Variants in MYO16 observed in about 807,000 individuals in gnomAD.
The protein encoded by MYO16 is myosin XVI, also known as unconventional myosin-XVI.
Under a neutral mutation model 205.3 loss-of-function variants are expected in MYO16, and 94 were observed. The observed-to-expected ratio is 0.46, with a 90% CI of 0.39 to 0.54. The LOEUF (loss-of-function observed/expected upper bound fraction) is 0.54, where lower values mean the gene tolerates loss of function less well. Among genes scored for constraint, MYO16 ranks in the 20% least tolerant of loss-of-function variants. The pLI is 0.00. For missense variants in MYO16, 2,315 were observed against 2,387.5 expected, an observed-to-expected ratio of 0.97 and a Z score of 0.63; for synonymous variants, 988 against 954.0, an observed-to-expected ratio of 1.04 and a Z score of -0.66.
chr13:108,955,269 C>T (rs1485056675), intron 16 of MYO16, among the ~76,000 whole-genome samples: 1 of 152,162 alleles, frequency 6.6e-6, no homozygotes, highest in Non-Finnish European at 1.5e-5. Flanking sequence ...CATCCATGTC[C>T]CCCTCTTCAG....
intron 13 of MYO16, among the ~76,000 whole-genome samples, chr13:108,883,849 T>C (rs1196100726): frequency 2.0e-5 from 3 of 152,148 alleles, no homozygotes; most frequent in Non-Finnish European, 2.9e-5. Flanking sequence ...GGTCTCAAAC[T>C]CCTGGGCTCA....
At chr13:109,034,984 C>T (rs891401381) in intron 23 of MYO16, among the ~76,000 whole-genome samples, 11 of 152,228 alleles carry the variant, frequency 7.2e-5, no homozygotes, top group African/African-American at 2.7e-4. Context: ...TATCCCAGCA[C>T]ATGGCCCATG....
the MYO16 span, among the ~76,000 whole-genome samples, chr13:108,582,313 G>A: frequency 0.016 from 2,424 of 152,080 alleles, 50 homozygotes; most frequent in South Asian, 0.086. Context: ...TTTGCATCTT[G>A]ATTTGGTACA....
intron 1 of MYO16, among the ~76,000 whole-genome samples, chr13:108,599,829 A>C (rs933386246): frequency 1.3e-5 from 2 of 152,216 alleles, no homozygotes; most frequent in Non-Finnish European, 2.9e-5. Flanking sequence ...GAGTTCGGAC[A>C]TGAAATGAGG....
intron 1 of MYO16, among the ~76,000 whole-genome samples, chr13:108,597,703 C>T: frequency 6.6e-6 from 1 of 152,092 alleles, no homozygotes; most frequent in East Asian, 1.9e-4. Flanking sequence ...TTCAGTCAGC[C>T]ATGGTTTGCT....
chr13:108,937,293 AT>A (rs752138348), intron 16 of MYO16, among the ~76,000 whole-genome samples: 3 of 149,270 alleles, frequency 2.0e-5, no homozygotes, highest in East Asian at 2.0e-4. Flanking sequence ...TGGCTTTCAG[AT>A]TTTTTTTTCT....
intron 27 of MYO16, among the ~76,000 whole-genome samples, chr13:109,098,505 A>C (rs905259168): frequency 1.3e-5 from 2 of 152,188 alleles, no homozygotes; most frequent in Admixed American, 1.3e-4. Context: ...TCATAGCCCA[A>C]GTCTTTCCAC....
intron 4 of MYO16, among the ~76,000 whole-genome samples, chr13:108,732,676 G>T (rs1181295838): frequency 1.3e-5 from 2 of 152,168 alleles, no homozygotes; most frequent in African/African-American, 4.8e-5. Context: ...GGGAAGCCCT[G>T]GGAAGAAGGA....
At chr13:108,650,639 C>T (rs911246745) in intron 1 of MYO16, among the ~76,000 whole-genome samples, 2 of 152,122 alleles carry the variant, frequency 1.3e-5, no homozygotes, top group Non-Finnish European at 2.9e-5. Context: ...CCAAAGAGAA[C>T]TTCTCTTTTG....
intron 1 of MYO16, among the ~76,000 whole-genome samples, chr13:108,608,085 A>T (rs1879027212): frequency 6.6e-6 from 1 of 152,168 alleles, no homozygotes; most frequent in South Asian, 2.1e-4. Flanking sequence ...AATTCTAACG[A>T]TCGATAATTA....
chr13:108,690,021 C>T (rs974990012), intron 2 of MYO16, among the ~76,000 whole-genome samples: 19 of 152,132 alleles, frequency 1.2e-4, no homozygotes, highest in African/African-American at 4.6e-4. Flanking sequence ...CTACTTTTCC[C>T]ACTTATTGTA....
the MYO16 span, among the ~76,000 whole-genome samples, chr13:108,508,814 G>A: frequency 1.3e-5 from 2 of 152,188 alleles, no homozygotes; most frequent in African/African-American, 2.4e-5. Flanking sequence ...TGAAGTTCTC[G>A]TAAAGGTGTT....
intron 32 of MYO16, among the ~76,000 whole-genome samples, chr13:109,142,850 A>G (rs1048853779): frequency 7.9e-5 from 12 of 152,102 alleles, no homozygotes; most frequent in African/African-American, 2.7e-4. Flanking sequence ...GCCCAGCCCA[A>G]TCCCACACTG....
chr13:108,918,106 A>G (rs552679720), intron 16 of MYO16, among the ~76,000 whole-genome samples: 1 of 152,374 alleles, frequency 6.6e-6, no homozygotes, highest in East Asian at 1.9e-4. Flanking sequence ...TTTGCATCAC[A>G]GATAAATTTA....
At chr13:108,852,933 C>G (rs1877959628) in intron 10 of MYO16, among the ~76,000 whole-genome samples, 1 of 152,206 alleles carries the variant, frequency 6.6e-6, no homozygotes, top group African/African-American at 2.4e-5. Flanking sequence ...GGTTTAAACA[C>G]TGTTGTTCAT....
chr13:108,748,663 A>G (rs906600188), intron 4 of MYO16, among the ~76,000 whole-genome samples: 12 of 152,162 alleles, frequency 7.9e-5, no homozygotes, highest in Non-Finnish European at 1.8e-4. Flanking sequence ...GAGAAAGCCC[A>G]CAAGCAGACC....
At position 109,141,253 on chromosome 13, in the gene MYO16, C is replaced by T. The variant is rs757836309; in HGVS notation, c.5041C>T (p.Pro1681Ser). 1.2e-6 allele frequency: 2 copies of T among 1,605,890 alleles called. No individual in the cohort carries two copies. The highest frequency in any genetic ancestry group is 8.5e-7 in the Non-Finnish European group (1 of 1,176,308). ...KAGSSASPPA[P>S]YSPPSSRPLS... ...CGGCTCCAGTGCCTCGCCCCCCGCG[C>T]CCTACAGCCCTCCCAGCTCCAGGCC... is the stretch of plus-strand genomic sequence containing the variant. Residue 1681 changes from proline to serine, a missense_variant, in exon 32 of 35, where the codon CCC becomes TCC. Transcript: ENST00000457511. The surrounding 1 kb of genome is among the most constrained non-coding windows in gnomAD (Gnocchi z 4.1).
intron 9 of MYO16, among the ~76,000 whole-genome samples, chr13:108,828,560 G>T (rs1043311016): frequency 3.9e-5 from 6 of 152,168 alleles, no homozygotes; most frequent in Non-Finnish European, 2.9e-5. Context: ...CAGTGCCTTT[G>T]TTACTCATGA....
intron 32 of MYO16, among the ~76,000 whole-genome samples, chr13:109,144,406 G>T (rs1436454424): frequency 6.6e-6 from 1 of 152,170 alleles, no homozygotes; most frequent in Non-Finnish European, 1.5e-5. Context: ...CATTCTTTTA[G>T]AATGTAGGAG....
Sources: gnomAD v4.1 joint callset for allele counts (sites outside exome capture counted in the v4.1 genomes callset) on GRCh38, gnomAD v4.1.1 for gene constraint, Gnocchi (gnomAD v3.1) non-coding constraint, MANE v1.5 for transcripts, NCBI Gene and HGNC (gene_info 2026-07-23, HGNC 2026-07-21) for gene names.